PHKB: variants seen among roughly 807,000 people sequenced by gnomAD.
The protein encoded by PHKB is phosphorylase b kinase regulatory subunit beta.
PHKB carries 122 observed loss-of-function variants against 152.1 expected under a neutral mutation model. That is an observed-to-expected ratio of 0.80 (90% CI 0.69 to 0.93). The LOEUF is 0.93. PHKB is among the 40% of genes least tolerant of loss of function. PHKB has a pLI of 0.00. For missense variants in PHKB, 1,304 were observed against 1,328.4 expected (o/e 0.98, Z 0.29); for synonymous variants, 436 against 464.9 (o/e 0.94, Z 0.80).
intron 16 of PHKB, among the ~76,000 whole-genome samples, chr16:47,645,175 C>T (rs912169042): frequency 9.9e-5 from 15 of 151,022 alleles, no homozygotes; most frequent in African/African-American, 3.7e-4. Context: ...CCTGTTCACT[C>T]TGATGGTAGT....
intron 20 of PHKB, among the ~76,000 whole-genome samples, chr16:47,654,151 A>G (rs1418182402): frequency 6.6e-6 from 1 of 152,220 alleles, no homozygotes; most frequent in Non-Finnish European, 1.5e-5. Flanking sequence ...AGCCACCTAC[A>G]TTGGTTCAGA....
At chr16:47,537,022 T>C (rs1970964160) in intron 6 of PHKB, among the ~76,000 whole-genome samples, 1 of 152,164 alleles carries the variant, frequency 6.6e-6, no homozygotes, top group South Asian at 2.1e-4. Context: ...GTGGAATAAA[T>C]AGAGTTCTGT....
chr16:47,503,137 A>G (rs375948639), intron 4 of PHKB, 47 bp downstream of exon 4: 12 of 1,213,684 alleles, frequency 9.9e-6, no homozygotes, highest in Non-Finnish European at 1.5e-5. Context: ...ATTCTGAAGG[A>G]TTAATTTAAC....
intron 29 of PHKB, 109 bp downstream of exon 29, chr16:47,696,597 C>A (rs1401406704): frequency 2.7e-6 from 2 of 737,484 alleles, no homozygotes; most frequent in Non-Finnish European, 5.0e-6. Flanking sequence ...CTTTCCAGTA[C>A]CCCGATCTCT....
chr16:47,669,567 G>A (rs1973602582), intron 26 of PHKB, 150 bp downstream of exon 26: 3 of 718,988 alleles, frequency 4.2e-6, no homozygotes. Context: ...CAATATCTGG[G>A]GGTATGAAAA....
At chr16:47,603,679 A>G (rs1972274659) in intron 13 of PHKB, among the ~76,000 whole-genome samples, 1 of 151,474 alleles carries the variant, frequency 6.6e-6, no homozygotes, top group African/African-American at 2.4e-5. Flanking sequence ...AATTTTTTGT[A>G]TTTTTATTGG....
chr16:47,573,101 A>G (rs942125942), intron 7 of PHKB, among the ~76,000 whole-genome samples: 20 of 152,168 alleles, frequency 1.3e-4, no homozygotes, highest in African/African-American at 3.9e-4. Context: ...ACAGCCCCCA[A>G]TACCAGACTG....
chr16:47,555,929 T>G (rs1237410677), intron 7 of PHKB, among the ~76,000 whole-genome samples: 1 of 152,248 alleles, frequency 6.6e-6, no homozygotes, highest in Non-Finnish European at 1.5e-5. Context: ...CTTCCATTTC[T>G]TTGTATCCTC....
In PHKB at chr16:47,641,036, G is replaced by A. The variant is rs1567337868; in HGVS notation, c.1460G>A (p.Gly487Asp). 6.2e-7 allele frequency: 1 copy of A among 1,613,620 alleles called. No homozygotes were observed. Among genetic ancestry groups the A allele is most frequent in the Non-Finnish European group, 8.5e-7 (1 of 1,179,614 alleles). The change falls in exon 15 of 31, where the codon GGC becomes GAC. Residue 487 changes from glycine (G) to aspartate (D), a missense_variant and splice_region_variant. Transcript: ENST00000323584. ...CCCCTCCCTTATTCTGCATTACAGG[G>A]CCCACTGGAAAATGACTTGGTAGTT... ...RNVSMRFSNQ[G>D]PLENDLVVHV...
chr16:47,687,665 T>C (rs1477167451), intron 26 of PHKB, among the ~76,000 whole-genome samples: 3 of 152,226 alleles, frequency 2.0e-5, no homozygotes, highest in Non-Finnish European at 2.9e-5. Flanking sequence ...TAAAAATTAG[T>C]ATGTTTCATC....
chr16:47,660,735 T>C lies in PHKB; in HGVS notation c.2112T>C (p.Ser704=), dbSNP rs777477802. Residue 704 remains serine, a synonymous_variant, in exon 22 of 31, where the codon AGT becomes AGC. Transcript: ENST00000323584. ...TCAAACGGCAAAGCAGCACCCCTAG[T>C]GCTCCTGAACTGGGACAGCAGCCGG... The part of the protein sequence containing the change: ...SKVKRQSSTP[S]APELGQQPDV... 6.2e-7 allele frequency: 1 copy of C among 1,614,126 alleles called. No homozygotes were observed. Among genetic ancestry groups the C allele is most frequent in the Non-Finnish European group, 8.5e-7 (1 of 1,179,976 alleles).
intron 24 of PHKB, 75 bp downstream of exon 24, chr16:47,663,809 A>G (rs189157555): frequency 1.6e-5 from 14 of 871,602 alleles, no homozygotes; most frequent in African/African-American, 1.3e-4. Context: ...AAATGGACCA[A>G]TATTAAAGAT....
chr16:47,506,718 G>A (rs534139202), intron 4 of PHKB, among the ~76,000 whole-genome samples: 4 of 152,278 alleles, frequency 2.6e-5, no homozygotes, highest in African/African-American at 9.6e-5. Context: ...TAAGGCAGGG[G>A]TTTCCAATCT....
At chr16:47,624,011 G>A (rs995753864) in intron 14 of PHKB, among the ~76,000 whole-genome samples, 1 of 152,138 alleles carries the variant, frequency 6.6e-6, no homozygotes, top group African/African-American at 2.4e-5. Flanking sequence ...AAAATGTTTT[G>A]TAGAAGCTCA....
At chr16:47,539,705 C>T (rs772644218) in intron 6 of PHKB, among the ~76,000 whole-genome samples, 7 of 152,118 alleles carry the variant, frequency 4.6e-5, no homozygotes, top group Admixed American at 6.5e-5. Context: ...GCTGGAGCCA[C>T]GGCAGAGGAA....
chr16:47,682,116 C>A (rs909406798), intron 26 of PHKB, among the ~76,000 whole-genome samples: 1 of 152,160 alleles, frequency 6.6e-6, no homozygotes, highest in Non-Finnish European at 1.5e-5. Context: ...GGCTTGTATT[C>A]TGCCAAGAGA....
At position 47,497,409 on chromosome 16, in the gene PHKB, T is replaced by C; in HGVS notation, c.87T>C (p.Tyr29=). ...RARTKRSGSV[Y]EPLKSINLPR... ...TATTTTTTCTTTTAGGCTCAGTTTA[T>C]GAACCTCTTAAAAGCATTAATCTTC... The change falls in exon 2 of 31, where the codon TAT becomes TAC. Residue 29 remains tyrosine (Y), a synonymous_variant. Coordinates refer to ENST00000323584, the MANE Select transcript of PHKB (RefSeq NM_000293.3). The C allele has an allele frequency of 6.3e-7, 1 of 1,598,788 alleles. No homozygotes were observed. The highest frequency in any genetic ancestry group is 8.6e-7 in the Non-Finnish European group (1 of 1,169,196).
intron 6 of PHKB, among the ~76,000 whole-genome samples, chr16:47,542,218 G>T (rs546283531): frequency 6.6e-6 from 1 of 152,028 alleles, no homozygotes; most frequent in African/African-American, 2.4e-5. Context: ...AGCTTTCTGC[G>T]TATGGCTAGC....
intron 14 of PHKB, among the ~76,000 whole-genome samples, chr16:47,634,109 A>G (rs1972874889): frequency 6.6e-6 from 1 of 152,188 alleles, no homozygotes; most frequent in African/African-American, 2.4e-5. Flanking sequence ...ATGCTTATAT[A>G]TTATGTATTA....
Sources: gnomAD v4.1 joint callset for allele counts (sites outside exome capture counted in the v4.1 genomes callset) on GRCh38, gnomAD v4.1.1 for gene constraint, MANE v1.5 for transcripts, NCBI Gene and HGNC (gene_info 2026-07-23, HGNC 2026-07-21) for gene names.